TNR: variants seen among roughly 807,000 people sequenced by gnomAD.
TNR encodes the protein tenascin-R.
Under a neutral mutation model 150.4 loss-of-function variants are expected in TNR, and 45 were observed. The ratio of observed to expected loss-of-function variants is 0.30; its 90% CI spans 0.24 to 0.38. The LOEUF (loss-of-function observed/expected upper bound fraction) is 0.38. TNR is among the 10% of genes least tolerant of loss of function. The pLI is 1.00. For synonymous variants in TNR, 687 were observed against 678.4 expected (o/e 1.01, Z -0.20); for missense variants, 1,544 against 1,759.1 (o/e 0.88, Z 2.19).
At chr1:175,663,442 G>A (rs562638416) in intron 1 of TNR, among the ~76,000 whole-genome samples, 1 of 152,316 alleles carries the variant, frequency 6.6e-6, no homozygotes, top group South Asian at 2.1e-4. Flanking sequence ...CCAGCAAGAC[G>A]AGAAAGATGA....
chr1:175,499,064 T>TAGCACAAA (rs1313089044), intron 2 of TNR, among the ~76,000 whole-genome samples: 1 of 152,240 alleles, frequency 6.6e-6, no homozygotes, highest in African/African-American at 2.4e-5. Context: ...ACAAAGCACA[T>TAGCACAAA]GCCTCCGGCT....
intron 2 of TNR, among the ~76,000 whole-genome samples, chr1:175,465,116 G>T (rs1675079371): frequency 6.6e-6 from 1 of 152,202 alleles, no homozygotes; most frequent in African/African-American, 2.4e-5. Flanking sequence ...AACTGAGCAG[G>T]AGTCCACCAG....
rs552506958 is a variant in TNR at position 175,704,861 on chromosome 1, A to G, written c.-165+38365T>C. Among the ~76,000 whole-genome samples the G allele has an allele frequency of 2.0e-5, 3 of 152,312 alleles. No individual in the cohort carries two copies. The South Asian group carries it at 6.2e-4, about 32-fold the overall frequency. ...TGTGTGCCTTCACAGACGCCCACAG[A>G]GGCTTATCAACGGCTCCCTTCTTTT... On this transcript the variant is annotated intron_variant, in intron 1 of 22. Transcript: ENST00000367674.
In TNR at chr1:175,599,456, A is replaced by C. The variant is rs893718430; in HGVS notation, c.-164-71087T>G. Among the ~76,000 whole-genome samples, 2 of 152,236 alleles carry C rather than the reference A, an allele frequency of 1.3e-5. No individual in the cohort carries two copies. The highest frequency in any genetic ancestry group is 2.9e-5 in the Non-Finnish European group (2 of 68,036). On this transcript the variant is annotated intron_variant, in intron 1 of 22. Transcript: ENST00000367674. The surrounding 1 kb of genome is among the most constrained non-coding windows in gnomAD (Gnocchi z 4.7). Reference sequence around the variant, plus strand: ...GCAGACCATTAGAGCATTACGAGGAAATGAGAAGACTTGGGGTCTTGCGAT... The same window carrying C: ...GCAGACCATTAGAGCATTACGAGGACATGAGAAGACTTGGGGTCTTGCGAT...
intron 1 of TNR, among the ~76,000 whole-genome samples, chr1:175,705,615 G>A (rs531260463): frequency 2.0e-5 from 3 of 152,038 alleles, no homozygotes; most frequent in South Asian, 4.1e-4. Flanking sequence ...GCGTGCGTGT[G>A]TGTGTATTTG....
At chr1:175,676,710 A>G (rs982199809) in intron 1 of TNR, among the ~76,000 whole-genome samples, 2 of 152,226 alleles carry the variant, frequency 1.3e-5, no homozygotes, top group African/African-American at 4.8e-5. Flanking sequence ...GTCTACTCCT[A>G]GTCGATAATT....
intron 2 of TNR, among the ~76,000 whole-genome samples, chr1:175,489,192 G>A (rs936359261): frequency 6.6e-6 from 1 of 152,060 alleles, no homozygotes; most frequent in Non-Finnish European, 1.5e-5. Flanking sequence ...GATCACCCGG[G>A]GCCCAGCCAG....
chr1:175,620,435 C>T (rs377607008), intron 1 of TNR, among the ~76,000 whole-genome samples: 25 of 152,192 alleles, frequency 1.6e-4, no homozygotes, highest in African/African-American at 5.8e-4. Context: ...ACCTCAACCG[C>T]CTTTCCCTTA....
At chr1:175,711,621 G>T (rs753458300) in intron 1 of TNR, among the ~76,000 whole-genome samples, 1 of 152,190 alleles carries the variant, frequency 6.6e-6, no homozygotes, top group Non-Finnish European at 1.5e-5. Flanking sequence ...CTGGGGAGAA[G>T]GCTAGTGCAG....
intron 1 of TNR, among the ~76,000 whole-genome samples, chr1:175,541,128 C>T (rs184214042): frequency 6.6e-6 from 1 of 152,306 alleles, no homozygotes; most frequent in East Asian, 1.9e-4. Context: ...TCCGAGAAGA[C>T]GTCCTGACAT....
chr1:175,367,222 A>G lies in TNR; in HGVS notation c.2039T>C (p.Met680Thr), dbSNP rs199892230. Residue 680 changes from methionine (M) to threonine (T), a missense_variant, in exon 10 of 23, where the codon ATG becomes ACG. Met to Thr is a moderately conservative substitution (Grantham distance 81). Transcript: ENST00000367674. ...MNSQQSVPAT[M>T]NARTELDSPR... ...CTCCTACTCACCAGTCCTGGCATTCATGGTGGCTGGCACGCTTTGCTGTGA... is the reference window on the plus strand; with the variant it reads ...CTCCTACTCACCAGTCCTGGCATTCGTGGTGGCTGGCACGCTTTGCTGTGA... The G allele has an allele frequency of 9.8e-5, 158 of 1,613,956 alleles. No individual in the cohort carries two copies. The highest frequency in any genetic ancestry group is 7.3e-5 in the Non-Finnish European group (86 of 1,179,990).
chr1:175,343,574 T>G (rs1360081014), intron 18 of TNR, among the ~76,000 whole-genome samples: 1 of 152,160 alleles, frequency 6.6e-6, no homozygotes, highest in East Asian at 1.9e-4. Flanking sequence ...TTACTTAGCT[T>G]TTGGTCAATT....
chr1:175,637,473 T>C lies in TNR; in HGVS notation c.-165+105753A>G, dbSNP rs115041199. ...ATTGAGCTGCCCCTCTTCTTTGGAC[T>C]CATACCCACCCTATGGTTGAGGGGA... On this transcript the variant is annotated intron_variant, in intron 1 of 22. Coordinates refer to ENST00000367674, the MANE Select transcript of TNR (RefSeq NM_003285.3). Among the ~76,000 whole-genome samples the C allele has an allele frequency of 3.3e-3, 506 of 152,320 alleles. 2 individuals carry two copies. Among genetic ancestry groups the C allele is most frequent in the African/African-American group, 0.012 (487 of 41,584 alleles).
At position 175,341,054 on chromosome 1, in the gene TNR, G is replaced by C. The variant is rs115862095; in HGVS notation, c.3383-3375C>G. 8.9e-3 allele frequency among the ~76,000 whole-genome samples: 1,348 copies of C among 152,216 alleles called. 22 individuals carry two copies. Among genetic ancestry groups the C allele is most frequent in the African/African-American group, 0.031 (1,287 of 41,534 alleles). ...GTTTTGTTCTGCTTTGGGGGTTATTGGACTTTGCTTAGCTAATAATAAAGA... is the reference window on the plus strand; with the variant it reads ...GTTTTGTTCTGCTTTGGGGGTTATTCGACTTTGCTTAGCTAATAATAAAGA... On this transcript the variant is annotated intron_variant, in intron 18 of 22. Coordinates refer to ENST00000367674, the MANE Select transcript of TNR (RefSeq NM_003285.3).
At chr1:175,340,413 G>A (rs1557874112) in intron 18 of TNR, among the ~76,000 whole-genome samples, 1 of 152,210 alleles carries the variant, frequency 6.6e-6, no homozygotes, top group African/African-American at 2.4e-5. Flanking sequence ...GCAGCAACCT[G>A]GGATTTTCAC....
chr1:175,477,111 C>A (rs568311544), intron 2 of TNR, among the ~76,000 whole-genome samples: 1 of 152,174 alleles, frequency 6.6e-6, no homozygotes, highest in Non-Finnish European at 1.5e-5. Flanking sequence ...GAGATAATAA[C>A]AACCATGGAT....
At chr1:175,425,386 T>C (rs984872) in intron 2 of TNR, among the ~76,000 whole-genome samples, 33,378 of 152,040 alleles carry the variant, frequency 0.22, 4,669 homozygotes, top group African/African-American at 0.39. Flanking sequence ...TAATATATAA[T>C]AGATATTAAG....
chr1:175,710,148 C>T (rs527362583), intron 1 of TNR, among the ~76,000 whole-genome samples: 1 of 152,082 alleles, frequency 6.6e-6, no homozygotes, highest in South Asian at 2.1e-4. Context: ...ACAAGAGGAG[C>T]CCCTGGAAGA....
At chr1:175,390,827 C>A (rs1178900900) in intron 7 of TNR, among the ~76,000 whole-genome samples, 3 of 152,220 alleles carry the variant, frequency 2.0e-5, no homozygotes, top group Admixed American at 6.5e-5. Flanking sequence ...TAATCCCATC[C>A]TCATATTAAC....
Sources: gnomAD v4.1 joint callset for allele counts (sites outside exome capture counted in the v4.1 genomes callset) on GRCh38, gnomAD v4.1.1 for gene constraint, Gnocchi (gnomAD v3.1) non-coding constraint, MANE v1.5 for transcripts, NCBI Gene and HGNC (gene_info 2026-07-23, HGNC 2026-07-21) for gene names.